SPIDR: variants seen among roughly 807,000 people sequenced by gnomAD.
SPIDR encodes the protein scaffold protein involved in DNA repair.
A neutral mutation model predicts 104.6 loss-of-function variants in SPIDR; 93 were observed. The observed-to-expected ratio is 0.89, with a 90% confidence interval of 0.75 to 1.06. SPIDR has a LOEUF of 1.06. SPIDR is among the 50% of genes least tolerant of loss of function. SPIDR has a pLI of 0.00. For synonymous variants in SPIDR, 431 were observed against 416.9 expected (o/e 1.03, Z -0.41); for missense variants, 1,154 against 1,111.2 (o/e 1.04, Z -0.55).
At chr8:47,374,433 AAAGT>A (rs1288310416) in intron 5 of SPIDR, among the ~76,000 whole-genome samples, 2 of 152,354 alleles carry the variant, frequency 1.3e-5, no homozygotes, top group East Asian at 3.9e-4. Flanking sequence ...TATCTATTCA[AAAGT>A]AATTAAACTT....
intron 8 of SPIDR, among the ~76,000 whole-genome samples, chr8:47,441,835 G>C (rs2069505954): frequency 1.3e-5 from 2 of 152,232 alleles, no homozygotes; most frequent in South Asian, 4.1e-4. Context: ...TAATATGTGA[G>C]GTAGTGAATG....
chr8:47,286,879 C>A (rs1290662664), intron 3 of SPIDR, among the ~76,000 whole-genome samples: 1 of 152,222 alleles, frequency 6.6e-6, no homozygotes, highest in Admixed American at 6.5e-5. Context: ...TCTGTTTGTT[C>A]TTTCATGTTC....
intron 19 of SPIDR, 43 bp from the exon 20 acceptor site, chr8:47,735,263 TC>T: frequency 4.4e-6 from 7 of 1,593,834 alleles, no homozygotes; most frequent in Non-Finnish European, 6.0e-6. Flanking sequence ...GAACAGTACG[TC>T]CCAGGCTGTT....
intron 1 of SPIDR, among the ~76,000 whole-genome samples, chr8:47,267,103 T>C (rs2034237803): frequency 6.6e-6 from 1 of 152,252 alleles, no homozygotes; most frequent in Non-Finnish European, 1.5e-5. Flanking sequence ...TGCATGGACA[T>C]ACTGCATTTG....
intron 8 of SPIDR, among the ~76,000 whole-genome samples, chr8:47,477,842 G>A (rs182560833): frequency 6.6e-6 from 1 of 152,288 alleles, no homozygotes; most frequent in African/African-American, 2.4e-5. Flanking sequence ...ACAGGGTGCA[G>A]GGGGAGCCTG....
intron 8 of SPIDR, among the ~76,000 whole-genome samples, chr8:47,507,656 A>T (rs544518782): frequency 1.3e-5 from 2 of 152,172 alleles, no homozygotes; most frequent in Non-Finnish European, 2.9e-5. Flanking sequence ...TATATATATG[A>T]CTTTTACTTG....
At chr8:47,485,568 T>G (rs868953910) in intron 8 of SPIDR, among the ~76,000 whole-genome samples, 18 of 152,318 alleles carry the variant, frequency 1.2e-4, no homozygotes, top group African/African-American at 3.8e-4. Flanking sequence ...AGTGGGTCCT[T>G]GACCCCCGAG....
rs2079920935 is a variant in SPIDR, at chr8:47,499,154, G to A, written c.1097+58612G>A. Among the ~76,000 whole-genome samples the A allele has an allele frequency of 2.6e-5, 4 of 152,152 alleles. No homozygotes were observed. The South Asian group carries it at 8.3e-4, about 32-fold the overall frequency. On this transcript the variant is annotated intron_variant, in intron 8 of 19. Coordinates refer to ENST00000297423, the MANE Select transcript of SPIDR (RefSeq NM_001080394.4). Reference sequence around the variant, plus strand: ...CTCAATAAATGCCTCTTGACTGATGGAAAATTGCTTTGGTAATACTAAGCA... The same window carrying A: ...CTCAATAAATGCCTCTTGACTGATGAAAAATTGCTTTGGTAATACTAAGCA...
At chr8:47,691,306 AAAAAG>A (rs2078613516) in intron 11 of SPIDR, among the ~76,000 whole-genome samples, 1 of 151,784 alleles carries the variant, frequency 6.6e-6, no homozygotes, top group South Asian at 2.1e-4. Context: ...AAAAAAAAAA[AAAAAG>A]AGAGAAAAGA....
chr8:47,585,917 A>T (rs2060206405), intron 8 of SPIDR, among the ~76,000 whole-genome samples: 1 of 152,114 alleles, frequency 6.6e-6, no homozygotes, highest in Admixed American at 6.6e-5. Flanking sequence ...ATACTGCCAC[A>T]TTGGGGATTA....
chr8:47,589,022 GTTT>G lies in SPIDR; in HGVS notation c.1098-6770_1098-6768del, dbSNP rs1168001066. Among the ~76,000 whole-genome samples the G allele has an allele frequency of 4.8e-3, 429 of 89,022 alleles. 3 individuals are homozygous for G. The highest frequency in any genetic ancestry group is 0.017 in the African/African-American group (403 of 24,078). 58.4% of individuals were successfully genotyped at this position (89,022 alleles called of 152,430 possible). A position where few individuals can be genotyped will look rare whatever the true frequency, so the allele number is the denominator to read the frequency against. ...ATTGAGGTATATTGGTTTATAGTTT[GTTT>G]TTTTTTTTTTTTTTTTTTGTACTGT... On this transcript the variant is annotated intron_variant, in intron 8 of 19. Coordinates refer to ENST00000297423, the MANE Select transcript of SPIDR (RefSeq NM_001080394.4).
chr8:47,562,241 A>G (rs917362132), intron 8 of SPIDR, among the ~76,000 whole-genome samples: 2 of 152,240 alleles, frequency 1.3e-5, no homozygotes, highest in Non-Finnish European at 2.9e-5. Context: ...TATTGATGTC[A>G]TAACATTTCA....
At chr8:47,358,649 A>C (rs925449240) in intron 5 of SPIDR, among the ~76,000 whole-genome samples, 1 of 152,204 alleles carries the variant, frequency 6.6e-6, no homozygotes, top group African/African-American at 2.4e-5. Flanking sequence ...CCCTGTTGCT[A>C]TTTCTAAACA....
intron 5 of SPIDR, among the ~76,000 whole-genome samples, chr8:47,394,024 A>G (rs1374143735): frequency 6.6e-6 from 1 of 151,944 alleles, no homozygotes; most frequent in Non-Finnish European, 1.5e-5. Context: ...CTCCTGCCTC[A>G]GCTTGCCCAA....
At chr8:47,397,784 C>T (rs1314014064) in intron 6 of SPIDR, among the ~76,000 whole-genome samples, 5 of 152,128 alleles carry the variant, frequency 3.3e-5, no homozygotes, top group Admixed American at 6.5e-5. Flanking sequence ...AGGAGGGTTT[C>T]GATTACTCTC....
At chr8:47,586,994 T>A (rs2060318939) in intron 8 of SPIDR, among the ~76,000 whole-genome samples, 1 of 152,174 alleles carries the variant, frequency 6.6e-6, no homozygotes, top group Non-Finnish European at 1.5e-5. Context: ...GGTCTCGAAC[T>A]CCCGATCTCA....
At chr8:47,660,643 A>T (rs373808412) in intron 10 of SPIDR, 2 of 408,900 alleles carry the variant, frequency 4.9e-6, no homozygotes, top group Admixed American at 6.4e-5. Flanking sequence ...TCTAATGGTT[A>T]TGTATTGCTT....
At chr8:47,728,719 A>C in intron 17 of SPIDR, 1 of 473,162 alleles carries the variant, frequency 2.1e-6, no homozygotes, top group Admixed American at 4.1e-5. Context: ...TTCGGCCTCC[A>C]GCCAGTGCTA....
At chr8:47,623,131 C>T (rs982201919) in intron 10 of SPIDR, among the ~76,000 whole-genome samples, 2 of 152,134 alleles carry the variant, frequency 1.3e-5, no homozygotes, top group African/African-American at 4.8e-5. Flanking sequence ...AGATTGCCTC[C>T]TCTTGTAAAG....
Sources: allele counts gnomAD v4.1 joint callset (sites outside exome capture counted in the v4.1 genomes callset), GRCh38; gene constraint gnomAD v4.1.1; transcripts MANE v1.5; gene names NCBI Gene and HGNC (gene_info 2026-07-23, HGNC 2026-07-21).